CTNNA2: variants seen among roughly 807,000 people sequenced by gnomAD.
CTNNA2 encodes the protein catenin alpha 2, also known as catenin alpha-2.
CTNNA2 carries 42 observed loss-of-function variants against 101.0 expected under a neutral mutation model. The observed-to-expected ratio is 0.42, with a 90% CI of 0.32 to 0.54. CTNNA2 has a LOEUF of 0.54. CTNNA2 is among the 20% of genes least tolerant of loss of function. CTNNA2 has a pLI of 0.14. For missense variants in CTNNA2, 871 were observed against 1,223.1 expected, an observed-to-expected ratio of 0.71 and a Z score of 4.29; for synonymous variants, 450 against 456.4, an observed-to-expected ratio of 0.99 and a Z score of 0.18.
rs75418911 is a variant in CTNNA2, at chr2:80,455,358, G to A, written c.1290+35757G>A. ...CCAGGTTGAATGGGCTTGTATAAAG[G>A]TCATCTCTCTATCAGGAGGGTTGAG... On this transcript the variant is annotated intron_variant, in intron 9 of 18. Coordinates refer to ENST00000402739, the MANE Select transcript of CTNNA2 (RefSeq NM_001282597.3). Among the ~76,000 whole-genome samples, 1,111 of 152,278 alleles carry A rather than the reference G, an allele frequency of 7.3e-3. 20 individuals are homozygous for A. Among genetic ancestry groups the A allele is most frequent in the African/African-American group, 0.026 (1,067 of 41,550 alleles).
intron 7 of CTNNA2, among the ~76,000 whole-genome samples, chr2:80,073,771 C>CACACACACACACACACTT (rs1553443664): frequency 2.9e-4 from 43 of 146,490 alleles, no homozygotes; most frequent in Non-Finnish European, 5.1e-4. Context: ...CACACACACA[C>CACACACACACACACACTT]TTATAGGATT....
At chr2:80,212,138 A>G (rs1169479399) in intron 7 of CTNNA2, among the ~76,000 whole-genome samples, 2 of 152,304 alleles carry the variant, frequency 1.3e-5, no homozygotes, top group Non-Finnish European at 2.9e-5. Context: ...GGGGTTTTCT[A>G]GATATACAAT....
At chr2:80,252,656 TG>T (rs1180749467) in intron 7 of CTNNA2, among the ~76,000 whole-genome samples, 1 of 152,198 alleles carries the variant, frequency 6.6e-6, no homozygotes, top group Non-Finnish European at 1.5e-5. Flanking sequence ...GACATGGATC[TG>T]GGCAGATGGA....
At position 80,346,140 on chromosome 2, in the gene CTNNA2, A is replaced by G. The variant is rs1048969978; in HGVS notation, c.1057-47071A>G. The stretch of plus-strand genomic sequence containing the variant: ...GACTTAATTTCGCTAGCATAATTTT[A>G]CAAGGGGGAAAATCATGTTTGAACT... On this transcript the variant is annotated intron_variant, in intron 7 of 18. Transcript: ENST00000402739. Among the ~76,000 whole-genome samples, 4 of 152,200 alleles carry G rather than the reference A, an allele frequency of 2.6e-5. No homozygotes were observed. In the South Asian group the frequency reaches 8.3e-4, roughly 32 times the overall value.
chr2:79,824,682 A>G (rs1678277539), intron 3 of CTNNA2, among the ~76,000 whole-genome samples: 1 of 152,184 alleles, frequency 6.6e-6, no homozygotes, highest in Non-Finnish European at 1.5e-5. Context: ...CTAGAGGGGC[A>G]AGTGAGATCG....
intron 9 of CTNNA2, among the ~76,000 whole-genome samples, chr2:80,540,513 C>T (rs963900924): frequency 3.3e-5 from 5 of 151,198 alleles, no homozygotes; most frequent in African/African-American, 1.2e-4. Context: ...AGGAGAATCA[C>T]TTGAACCTGG....
chr2:80,204,408 C>T (rs1053502164), intron 7 of CTNNA2, among the ~76,000 whole-genome samples: 1 of 152,190 alleles, frequency 6.6e-6, no homozygotes, highest in African/African-American at 2.4e-5. Context: ...ATTTCTTCTG[C>T]CAGATACCCT....
At chr2:79,515,619 G>A (rs764728720) in intron 1 of CTNNA2, among the ~76,000 whole-genome samples, 2 of 152,170 alleles carry the variant, frequency 1.3e-5, no homozygotes, top group Non-Finnish European at 2.9e-5. Context: ...TAAAGAACTA[G>A]CAAACAAAGT....
intron 1 of CTNNA2, among the ~76,000 whole-genome samples, chr2:79,619,321 A>G (rs1678849049): frequency 6.6e-6 from 1 of 152,236 alleles, no homozygotes. Context: ...TGCAGTGGCC[A>G]GGTCCTCCAC....
intron 1 of CTNNA2, among the ~76,000 whole-genome samples, chr2:79,626,767 G>T (rs560154724): frequency 5.3e-5 from 8 of 151,784 alleles, no homozygotes; most frequent in Non-Finnish European, 1.2e-4. Flanking sequence ...AGGGTTTTAG[G>T]TAGCGAGACA....
intron 3 of CTNNA2, among the ~76,000 whole-genome samples, chr2:79,821,461 G>A (rs907606888): frequency 6.6e-6 from 1 of 152,032 alleles, no homozygotes; most frequent in African/African-American, 2.4e-5. Flanking sequence ...CTATTGCCTT[G>A]GCCTTTCAAA....
At chr2:79,800,474 A>G (rs955142522) in intron 3 of CTNNA2, among the ~76,000 whole-genome samples, 2 of 152,144 alleles carry the variant, frequency 1.3e-5, no homozygotes, top group Non-Finnish European at 2.9e-5. Flanking sequence ...CCTCAGTAAT[A>G]TGTGTCCAAA....
chr2:80,632,265 C>T lies in CTNNA2; in HGVS notation c.2574+13037C>T, dbSNP rs549045684. Among the ~76,000 whole-genome samples the T allele has an allele frequency of 2.0e-5, 3 of 150,004 alleles. No individual in the cohort carries two copies. The South Asian group carries it at 6.3e-4, about 31-fold the overall frequency. On this transcript the variant is annotated intron_variant, in intron 18 of 18. Coordinates refer to ENST00000402739, the MANE Select transcript of CTNNA2 (RefSeq NM_001282597.3). Reference sequence around the variant, plus strand: ...AGAAATCTAGCTATGGCAACATGACCCCCCCCACCCCAACACACACACACA... The same window carrying T: ...AGAAATCTAGCTATGGCAACATGACTCCCCCCACCCCAACACACACACACA...
intron 12 of CTNNA2, among the ~76,000 whole-genome samples, chr2:80,564,232 T>C (rs1020065881): frequency 2.6e-5 from 4 of 152,208 alleles, no homozygotes; most frequent in Non-Finnish European, 5.9e-5. Flanking sequence ...CAAATTAGAC[T>C]GTATTTATTA....
At chr2:79,523,853 C>G (rs1672253140) in intron 1 of CTNNA2, among the ~76,000 whole-genome samples, 1 of 151,934 alleles carries the variant, frequency 6.6e-6, no homozygotes. Context: ...TTTTCATTTG[C>G]TTTCTGTCTA....
chr2:79,586,527 C>CTT (rs10629514), intron 1 of CTNNA2, among the ~76,000 whole-genome samples: 99,080 of 147,602 alleles, frequency 0.67, 33,465 homozygotes, highest in Middle Eastern at 0.72. Context: ...CTTTTCTTTT[C>CTT]TTTTTTTTTA....
intron 4 of CTNNA2, among the ~76,000 whole-genome samples, chr2:79,378,746 C>A (rs1348933174): frequency 6.6e-6 from 1 of 152,036 alleles, no homozygotes; most frequent in Non-Finnish European, 1.5e-5. Context: ...CCCAAATAAC[C>A]ATTTATAATG....
chr2:79,604,854 C>T (rs1188017807), intron 1 of CTNNA2, among the ~76,000 whole-genome samples: 1 of 152,142 alleles, frequency 6.6e-6, no homozygotes, highest in African/African-American at 2.4e-5. Context: ...TGTAGCAAGA[C>T]TCAAAAGGAT....
chr2:79,224,357 C>T (rs1415782245), intron 2 of CTNNA2, among the ~76,000 whole-genome samples: 1 of 152,064 alleles, frequency 6.6e-6, no homozygotes, highest in African/African-American at 2.4e-5. Context: ...CTTGACATTT[C>T]AATCATATTG....
Sources: gnomAD v4.1 joint callset for allele counts (sites outside exome capture counted in the v4.1 genomes callset) on GRCh38, gnomAD v4.1.1 for gene constraint, MANE v1.5 for transcripts, NCBI Gene and HGNC (gene_info 2026-07-23, HGNC 2026-07-21) for gene names.